ARHGAP20: variants seen among roughly 807,000 people sequenced by gnomAD.
ARHGAP20 encodes Rho GTPase activating protein 20.
A neutral mutation model predicts 73.7 loss-of-function variants in ARHGAP20; 34 were observed. The observed-to-expected ratio is 0.46, with a 90% CI of 0.35 to 0.61. The LOEUF is 0.61. ARHGAP20 is among the 20% of genes least tolerant of loss of function. ARHGAP20 has a pLI of 0.00. For missense variants in ARHGAP20, 1,314 were observed against 1,420.9 expected (o/e 0.92, Z 1.21); for synonymous variants, 523 against 518.2 (o/e 1.01, Z -0.13).
At chr11:110,695,402 A>C (rs12294693) in intron 1 of ARHGAP20, among the ~76,000 whole-genome samples, 45,781 of 151,374 alleles carry the variant, frequency 0.3, 7,696 homozygotes, top group African/African-American at 0.47. Flanking sequence ...AAAAGACAAC[A>C]CACAGAATGG....
intron 6 of ARHGAP20, among the ~76,000 whole-genome samples, chr11:110,612,312 C>T (rs1948385666): frequency 6.6e-6 from 1 of 151,258 alleles, no homozygotes; most frequent in Admixed American, 6.6e-5. Context: ...CCTGTAGTCC[C>T]AGCTACTCGG....
In ARHGAP20 at chr11:110,592,043, T is replaced by C; in HGVS notation, c.1077A>G (p.Pro359=). The C allele has an allele frequency of 1.2e-6, 2 of 1,614,148 alleles. No homozygotes were observed. The highest frequency in any genetic ancestry group is 1.3e-5 in the African/African-American group (1 of 75,042). ...NLPSSPTSPM[P]GQLFGISLPN... The stretch of plus-strand genomic sequence containing the variant: ...GCAGAGAAATTCCAAAGAGCTGTCC[T>C]GGCATAGGTGATGTTGGCGATGAGG... Residue 359 remains proline (P), a synonymous_variant, in exon 10 of 15, where the codon CCA becomes CCG. Coordinates refer to ENST00000683387, the MANE Select transcript of ARHGAP20 (RefSeq NM_001384657.1).
In ARHGAP20 at chr11:110,614,442, A is replaced by C. The variant is rs1002257482; in HGVS notation, c.630+119T>G. On this transcript the variant is annotated intron_variant, in intron 6 of 14. Transcript: ENST00000683387. ...CCCCCTGTGGTATTTCTAAATGCCT[A>C]CCTTCCATAGCACATACACAGTTAG... is the stretch of plus-strand genomic sequence containing the variant. The C allele has an allele frequency of 6.2e-6, 5 of 804,656 alleles. No homozygotes were observed. The African/African-American group carries it at 9.0e-5, about 15-fold the overall frequency. 49.8% of individuals were successfully genotyped at this position (804,656 alleles called of 1,614,324 possible).
chr11:110,629,547 A>G (rs1404392102), intron 3 of ARHGAP20, among the ~76,000 whole-genome samples: 4 of 139,332 alleles, frequency 2.9e-5, no homozygotes, highest in Admixed American at 7.6e-5. Context: ...CTTTATTCCT[A>G]TAATACCATA....
chr11:110,680,555 T>C (rs1180762019), intron 2 of ARHGAP20, among the ~76,000 whole-genome samples: 6 of 152,102 alleles, frequency 3.9e-5, no homozygotes, highest in Non-Finnish European at 5.9e-5. Flanking sequence ...ACTAATGAGG[T>C]AGTGCTTTCC....
intron 2 of ARHGAP20, among the ~76,000 whole-genome samples, chr11:110,654,641 A>T (rs1320043827): frequency 6.6e-6 from 1 of 152,170 alleles, no homozygotes; most frequent in Non-Finnish European, 1.5e-5. Flanking sequence ...ACAAACCAGA[A>T]AGCATGTATT....
intron 2 of ARHGAP20, among the ~76,000 whole-genome samples, chr11:110,638,343 A>G (rs1949011721): frequency 6.6e-6 from 1 of 152,098 alleles, no homozygotes; most frequent in Non-Finnish European, 1.5e-5. Flanking sequence ...AAAAACTGAA[A>G]TTCAAAAATA....
intron 9 of ARHGAP20, among the ~76,000 whole-genome samples, chr11:110,592,459 G>T (rs1448687840): frequency 6.6e-6 from 1 of 152,100 alleles, no homozygotes; most frequent in Non-Finnish European, 1.5e-5. Context: ...CTCCCTTATT[G>T]AACTGTAACA....
intron 9 of ARHGAP20, among the ~76,000 whole-genome samples, chr11:110,598,327 C>A (rs1182054321): frequency 6.6e-6 from 1 of 152,130 alleles, no homozygotes; most frequent in Non-Finnish European, 1.5e-5. Flanking sequence ...CTACTTTGGG[C>A]ATAGAGCTGG....
At chr11:110,597,390 TTAATA>T (rs1393615183) in intron 9 of ARHGAP20, among the ~76,000 whole-genome samples, 1 of 152,042 alleles carries the variant, frequency 6.6e-6, no homozygotes, top group African/African-American at 2.4e-5. Context: ...AAATATGTGT[TTAATA>T]TATATGTGAA....
intron 11 of ARHGAP20, among the ~76,000 whole-genome samples, chr11:110,587,840 C>A (rs1565423914): frequency 6.6e-6 from 1 of 152,054 alleles, no homozygotes; most frequent in Non-Finnish European, 1.5e-5. Context: ...TATCTTCTAG[C>A]AGAAATGTAC....
chr11:110,584,872 AAT>A (rs1320652894), intron 12 of ARHGAP20, among the ~76,000 whole-genome samples: 7 of 150,952 alleles, frequency 4.6e-5, no homozygotes, highest in Admixed American at 1.3e-4. Context: ...TATATAAATG[AAT>A]ATATATGTGA....
At chr11:110,694,419 T>C (rs953553597) in intron 1 of ARHGAP20, among the ~76,000 whole-genome samples, 2 of 151,570 alleles carry the variant, frequency 1.3e-5, no homozygotes, top group Non-Finnish European at 1.5e-5. Context: ...TGCAGTTATA[T>C]TCAGTATTGT....
At chr11:110,655,220 T>C (rs367744932) in intron 2 of ARHGAP20, among the ~76,000 whole-genome samples, 1 of 152,156 alleles carries the variant, frequency 6.6e-6, no homozygotes, top group Non-Finnish European at 1.5e-5. Context: ...CCTTCTTTCA[T>C]GAAGCTAACA....
intron 2 of ARHGAP20, among the ~76,000 whole-genome samples, chr11:110,645,395 T>C (rs1328306932): frequency 6.6e-6 from 1 of 152,092 alleles, no homozygotes; most frequent in Non-Finnish European, 1.5e-5. Flanking sequence ...GTCAGAGACA[T>C]GCAAATCAAA....
At chr11:110,629,551 T>TA (rs5794698) in intron 3 of ARHGAP20, among the ~76,000 whole-genome samples, 41,569 of 152,012 alleles carry the variant, frequency 0.27, 5,786 homozygotes, top group Admixed American at 0.36. Context: ...ATTCCTATAA[T>TA]ACCATATCCT....
At chr11:110,683,764 G>A (rs552092102) in intron 2 of ARHGAP20, among the ~76,000 whole-genome samples, 2 of 152,260 alleles carry the variant, frequency 1.3e-5, no homozygotes, top group East Asian at 3.9e-4. Context: ...GAGGCTTGGA[G>A]TAACCAGTTG....
intron 3 of ARHGAP20, among the ~76,000 whole-genome samples, chr11:110,624,626 GT>G (rs35542455): frequency 1.6e-4 from 23 of 147,174 alleles, no homozygotes; most frequent in East Asian, 4.0e-4. Context: ...CATGTATCCT[GT>G]TTTTTTTTTT....
intron 11 of ARHGAP20, 117 bp downstream of exon 11, chr11:110,590,531 G>T: frequency 9.0e-7 from 1 of 1,106,364 alleles, no homozygotes; most frequent in Non-Finnish European, 1.2e-6. Flanking sequence ...TAAAAATTAT[G>T]TTAATAAATC....
Sources: allele counts gnomAD v4.1 joint callset (sites outside exome capture counted in the v4.1 genomes callset), GRCh38; gene constraint gnomAD v4.1.1; transcripts MANE v1.5; gene names NCBI Gene and HGNC (gene_info 2026-07-23, HGNC 2026-07-21).